Variants in LHFPL3 observed in about 807,000 individuals in gnomAD.
The protein encoded by LHFPL3 is LHFPL tetraspan subfamily member 3.
A neutral mutation model predicts 19.3 loss-of-function variants in LHFPL3; 5 were observed. The ratio of observed to expected loss-of-function variants is 0.26; its 90% CI spans 0.14 to 0.54. The LOEUF is 0.54. Among genes scored for constraint, LHFPL3 ranks in the 20% least tolerant of loss-of-function variants. LHFPL3 has a pLI of 0.94. For synonymous variants in LHFPL3, 133 were observed against 126.2 expected (o/e 1.05, Z -0.36); for missense variants, 249 against 307.4 (o/e 0.81, Z 1.42).
intron 1 of LHFPL3, among the ~76,000 whole-genome samples, chr7:104,340,476 A>G (rs1562869013): frequency 1.3e-5 from 2 of 152,324 alleles, no homozygotes; most frequent in East Asian, 3.9e-4. Flanking sequence ...GAACATAGTA[A>G]GCACTCAAAA....
chr7:104,647,330 A>C (rs138486292), intron 1 of LHFPL3, among the ~76,000 whole-genome samples: 17 of 152,338 alleles, frequency 1.1e-4, no homozygotes, highest in Non-Finnish European at 1.9e-4. Flanking sequence ...AACTCAGGGC[A>C]GCTCTGCACT....
intron 1 of LHFPL3, among the ~76,000 whole-genome samples, chr7:104,417,782 A>G (rs374806215): frequency 1.3e-5 from 2 of 151,466 alleles, no homozygotes; most frequent in African/African-American, 4.9e-5. Context: ...ACGGTGCTTG[A>G]CTCATGGTAA....
intron 1 of LHFPL3, among the ~76,000 whole-genome samples, chr7:104,678,777 T>A (rs1300421487): frequency 6.6e-6 from 1 of 152,212 alleles, no homozygotes; most frequent in African/African-American, 2.4e-5. Context: ...ACATTGCAAT[T>A]AACTCTGCAT....
intron 1 of LHFPL3, among the ~76,000 whole-genome samples, chr7:104,447,249 G>C (rs2116593569): frequency 6.6e-6 from 1 of 152,232 alleles, no homozygotes; most frequent in African/African-American, 2.4e-5. Flanking sequence ...GTAGACACTA[G>C]GAAGAAACTA....
chr7:104,905,847 A>G (rs987726017), intron 2 of LHFPL3, among the ~76,000 whole-genome samples: 18 of 152,236 alleles, frequency 1.2e-4, no homozygotes, highest in African/African-American at 4.1e-4. Context: ...GAAAAGGAAA[A>G]CACTCAAGTG....
chr7:104,676,987 A>C (rs1176429448), intron 1 of LHFPL3, among the ~76,000 whole-genome samples: 2 of 152,264 alleles, frequency 1.3e-5, no homozygotes, highest in Non-Finnish European at 2.9e-5. Flanking sequence ...TGGGAACAAC[A>C]TAAACAATAC....
At chr7:104,350,852 C>T (rs1790159698) in intron 1 of LHFPL3, among the ~76,000 whole-genome samples, 1 of 151,980 alleles carries the variant, frequency 6.6e-6, no homozygotes, top group East Asian at 1.9e-4. Flanking sequence ...CCAGCCTGGC[C>T]AACATGGTGA....
chr7:104,345,051 G>A (rs1044750313), intron 1 of LHFPL3, among the ~76,000 whole-genome samples: 3 of 152,084 alleles, frequency 2.0e-5, no homozygotes, highest in African/African-American at 7.2e-5. Context: ...TTTCTTTATG[G>A]AAGGATTTTT....
chr7:104,601,540 G>T (rs1454977646), intron 1 of LHFPL3, among the ~76,000 whole-genome samples: 4 of 152,162 alleles, frequency 2.6e-5, no homozygotes, highest in Admixed American at 2.6e-4. Context: ...GGGGAGAGGG[G>T]TTGCTAGATA....
At chr7:104,458,011 A>G (rs1275571720) in intron 1 of LHFPL3, among the ~76,000 whole-genome samples, 1 of 149,160 alleles carries the variant, frequency 6.7e-6, no homozygotes, top group Non-Finnish European at 1.5e-5. Flanking sequence ...GCTTCTGGAT[A>G]TTAGCCCTTT....
chr7:104,575,559 TAAAAAAAAAAAAAA>T (rs58118006), intron 1 of LHFPL3, among the ~76,000 whole-genome samples: 1 of 36,148 alleles, frequency 2.8e-5, no homozygotes, highest in African/African-American at 7.9e-5. Flanking sequence ...CAAAGAGATC[TAAAAAAAAAAAAAA>T]AAAAAAAAAA....
chr7:104,445,102 CT>C (rs1792305955), intron 1 of LHFPL3, among the ~76,000 whole-genome samples: 4 of 151,962 alleles, frequency 2.6e-5, no homozygotes, highest in Admixed American at 2.6e-4. Flanking sequence ...TGTTAGTTTG[CT>C]GGTGGTGGTG....
chr7:104,601,661 C>T (rs1292871638), intron 1 of LHFPL3, among the ~76,000 whole-genome samples: 2 of 152,170 alleles, frequency 1.3e-5, no homozygotes, highest in Non-Finnish European at 2.9e-5. Context: ...TCTTATTGCC[C>T]ACAGCTGGCT....
intron 1 of LHFPL3, among the ~76,000 whole-genome samples, chr7:104,431,384 A>C (rs1298399488): frequency 6.6e-6 from 1 of 152,186 alleles, no homozygotes; most frequent in Non-Finnish European, 1.5e-5. Flanking sequence ...TCATCCTTTC[A>C]GTCCCTGCAT....
At chr7:104,530,725 C>T (rs560251773) in intron 1 of LHFPL3, among the ~76,000 whole-genome samples, 2 of 152,246 alleles carry the variant, frequency 1.3e-5, no homozygotes, top group African/African-American at 4.8e-5. Flanking sequence ...GATTTAACAG[C>T]GTATTGTGCA....
At chr7:104,428,647 T>G (rs1791893822) in intron 1 of LHFPL3, among the ~76,000 whole-genome samples, 1 of 152,240 alleles carries the variant, frequency 6.6e-6, no homozygotes, top group South Asian at 2.1e-4. Context: ...TGACCTGTCT[T>G]TGTGAAACTA....
At chr7:104,745,996 A>T (rs949235074) in intron 2 of LHFPL3, among the ~76,000 whole-genome samples, 1 of 152,166 alleles carries the variant, frequency 6.6e-6, no homozygotes, top group Non-Finnish European at 1.5e-5. Flanking sequence ...CTGGTTCTTC[A>T]CAATCACCTG....
At chr7:104,716,066 G>A (rs1443567895) in intron 1 of LHFPL3, among the ~76,000 whole-genome samples, 1 of 152,124 alleles carries the variant, frequency 6.6e-6, no homozygotes, top group Admixed American at 6.6e-5. Flanking sequence ...ATCCAAATCA[G>A]GGCCAGGCAC....
Position 104,642,443 on chromosome 7 carries a change from TC to T in LHFPL3, c.446-94228del, listed in dbSNP as rs532116651. 5.9e-5 allele frequency among the ~76,000 whole-genome samples: 9 copies of T among 152,300 alleles called. No homozygotes were observed. The East Asian group carries it at 1.7e-3, about 29-fold the overall frequency. ...CACAAATTGCTTTATTTGCTATTCCTCCCCTAGAGTAATCTGGTTGTTCTGG... is the reference window on the plus strand; with the variant it reads ...CACAAATTGCTTTATTTGCTATTCCTCCCTAGAGTAATCTGGTTGTTCTGG... On this transcript the variant is annotated intron_variant, in intron 1 of 2. Coordinates refer to ENST00000424859, the MANE Select transcript of LHFPL3 (RefSeq NM_199000.3).
Sources: allele counts gnomAD v4.1 joint callset (sites outside exome capture counted in the v4.1 genomes callset), GRCh38; gene constraint gnomAD v4.1.1; transcripts MANE v1.5; gene names NCBI Gene and HGNC (gene_info 2026-07-23, HGNC 2026-07-21).